Variants in LRRC7 observed in about 807,000 individuals in gnomAD.
LRRC7 encodes the protein leucine rich repeat containing 7, also known as leucine-rich repeat-containing protein 7.
Under a neutral mutation model 175.7 loss-of-function variants are expected in LRRC7, and 23 were observed. The observed-to-expected ratio is 0.13, with a 90% CI of 0.09 to 0.19. The LOEUF is 0.19. Ranked by LOEUF, LRRC7 falls within the 10% of genes least tolerant of loss-of-function variation. LRRC7 has a pLI of 1.00. For missense variants in LRRC7, 1,354 were observed against 1,904.7 expected, an observed-to-expected ratio of 0.71 and a Z score of 5.38; for synonymous variants, 685 against 680.9, an observed-to-expected ratio of 1.01 and a Z score of -0.09.
At position 70,130,571 on chromosome 1, in the gene LRRC7, CA is replaced by C. The variant is rs1357990136; in HGVS notation, c.*8685del. Among the ~76,000 whole-genome samples the C allele has an allele frequency of 6.6e-6, 1 of 152,162 alleles. No homozygotes were observed. The highest frequency in any genetic ancestry group is 1.5e-5 in the Non-Finnish European group (1 of 68,030). On this transcript the variant is annotated 3_prime_UTR_variant, in exon 27 of 27. Transcript: ENST00000651989. The stretch of plus-strand genomic sequence containing the variant: ...TTTGGTCTTTTCTGCTGTGTTTCAG[CA>C]GTTACATTTAATTTTCCTTTTGTGT...
intron 7 of LRRC7, among the ~76,000 whole-genome samples, chr1:69,902,579 A>AAAC (rs1032826792): frequency 4.0e-4 from 12 of 30,084 alleles, no homozygotes; most frequent in African/African-American, 1.4e-3. Context: ...AAAACAAAAC[A>AAAC]AAAAAAAAAG....
chr1:69,783,416 A>G (rs574775234), intron 3 of LRRC7, among the ~76,000 whole-genome samples: 53 of 152,290 alleles, frequency 3.5e-4, no homozygotes, highest in African/African-American at 1.3e-3. Context: ...TAGGATATAC[A>G]AAAAGGTTGT....
At chr1:69,621,434 T>C (rs1182967066) in intron 1 of LRRC7, among the ~76,000 whole-genome samples, 1 of 152,200 alleles carries the variant, frequency 6.6e-6, no homozygotes, top group Non-Finnish European at 1.5e-5. Context: ...TTCTTACATA[T>C]TCTGTAATTC....
chr1:69,649,257 T>G (rs1209827223), intron 1 of LRRC7, among the ~76,000 whole-genome samples: 3 of 152,210 alleles, frequency 2.0e-5, no homozygotes. Flanking sequence ...CTTATTTACT[T>G]CATAAAGTAC....
At chr1:69,705,223 A>G (rs1384495969) in intron 2 of LRRC7, among the ~76,000 whole-genome samples, 3 of 152,098 alleles carry the variant, frequency 2.0e-5, no homozygotes, top group Non-Finnish European at 4.4e-5. Context: ...TTGGCTCCAT[A>G]TTGGCTAGGG....
intron 25 of LRRC7, among the ~76,000 whole-genome samples, chr1:70,090,625 A>C (rs1663961189): frequency 1.3e-5 from 2 of 152,100 alleles, no homozygotes; most frequent in South Asian, 4.1e-4. Context: ...GAAGCTATCT[A>C]CTTTCAACCT....
At position 69,913,491 on chromosome 1, in the gene LRRC7, A is replaced by G. The variant is rs1463867715; in HGVS notation, c.648-18016A>G. Among the ~76,000 whole-genome samples, 4 of 152,094 alleles carry G rather than the reference A, an allele frequency of 2.6e-5. No homozygotes were observed. In the East Asian group the frequency reaches 7.7e-4, roughly 29 times the overall value. ...CAATAAGTTACATATTCTCATAATGAGGTGTTCCAGAAGTTTCCTTTTTTT... is the reference window on the plus strand; with the variant it reads ...CAATAAGTTACATATTCTCATAATGGGGTGTTCCAGAAGTTTCCTTTTTTT... On this transcript the variant is annotated intron_variant, in intron 7 of 26. Transcript: ENST00000651989.
chr1:70,039,029 G>T lies in LRRC7; in HGVS notation c.3205G>T (p.Asp1069Tyr). ...ASMTKKVYQF[D>Y]QSFNPQGSVE... is the part of the protein sequence containing the mutation. Reference sequence around the variant, plus strand: ...TATGACAAAAAAAGTCTATCAGTTTGACCAAAGCTTCAATCCTCAAGGATC... The same window carrying T: ...TATGACAAAAAAAGTCTATCAGTTTTACCAAAGCTTCAATCCTCAAGGATC... The change falls in exon 21 of 27, where the codon GAC becomes TAC. Residue 1069 changes from aspartate to tyrosine, a missense_variant. Asp to Tyr is a radical substitution (Grantham distance 160). This residue lies in a region of LRRC7 where 1,032 missense variants were observed against 1,227.2 expected (regional missense o/e 0.84). Coordinates refer to ENST00000651989, the MANE Select transcript of LRRC7 (RefSeq NM_001370785.2). 5 of 1,613,964 alleles carry T rather than the reference G, an allele frequency of 3.1e-6. No individual in the cohort carries two copies. In the South Asian group the frequency reaches 5.5e-5, roughly 18 times the overall value.
chr1:69,707,190 G>T (rs1664141073), intron 2 of LRRC7, among the ~76,000 whole-genome samples: 1 of 152,166 alleles, frequency 6.6e-6, no homozygotes. Flanking sequence ...TTCCAGTCAT[G>T]CCATGGCATG....
In LRRC7 at chr1:69,833,870, T is replaced by G. The variant is rs372345695; in HGVS notation, c.501-910T>G. Among the ~76,000 whole-genome samples the G allele has an allele frequency of 3.8e-4, 58 of 152,182 alleles. 1 individual carries two copies. In the South Asian group the frequency reaches 0.012, roughly 32 times the overall value. On this transcript the variant is annotated intron_variant, in intron 5 of 26. Coordinates refer to ENST00000651989, the MANE Select transcript of LRRC7 (RefSeq NM_001370785.2). The stretch of plus-strand genomic sequence containing the variant: ...TCAAAAGCAATGAGTATAGGCAGAT[T>G]TTTAAACAAGTAAATGCAAGGAGGA...
At chr1:70,025,315 T>C (rs1657975498) in intron 17 of LRRC7, among the ~76,000 whole-genome samples, 1 of 151,206 alleles carries the variant, frequency 6.6e-6, no homozygotes, top group Admixed American at 6.6e-5. Context: ...AATGTTTATG[T>C]AAATAATTAA....
At chr1:69,995,237 T>C (rs1278096674) in intron 11 of LRRC7, among the ~76,000 whole-genome samples, 1 of 152,292 alleles carries the variant, frequency 6.6e-6, no homozygotes, top group East Asian at 1.9e-4. Context: ...TACAATTCTT[T>C]AAGAACTATA....
At chr1:69,697,476 C>G (rs979135376) in intron 2 of LRRC7, among the ~76,000 whole-genome samples, 1 of 152,156 alleles carries the variant, frequency 6.6e-6, no homozygotes, top group Non-Finnish European at 1.5e-5. Context: ...GTGGGCAAAA[C>G]CATAATAAGT....
intron 1 of LRRC7, among the ~76,000 whole-genome samples, chr1:69,634,680 G>A (rs2100395805): frequency 6.6e-6 from 1 of 151,972 alleles, no homozygotes; most frequent in African/African-American, 2.4e-5. Flanking sequence ...TTCTCTCTTA[G>A]CTTTGAGCTC....
At chr1:69,650,288 C>T (rs986304426) in intron 1 of LRRC7, among the ~76,000 whole-genome samples, 1 of 151,868 alleles carries the variant, frequency 6.6e-6, no homozygotes, top group Non-Finnish European at 1.5e-5. Context: ...CGCCTGTAAT[C>T]CCAGCACTTT....
At chr1:70,023,759 G>A (rs1429470227) in intron 17 of LRRC7, among the ~76,000 whole-genome samples, 1 of 152,026 alleles carries the variant, frequency 6.6e-6, no homozygotes, top group South Asian at 2.1e-4. Flanking sequence ...TGTGAATTCT[G>A]GGGGAGATTA....
chr1:69,790,093 A>T (rs1265430687), intron 3 of LRRC7, among the ~76,000 whole-genome samples: 1 of 152,066 alleles, frequency 6.6e-6, no homozygotes, highest in Non-Finnish European at 1.5e-5. Flanking sequence ...ATGTGAAAAT[A>T]TGTGTGACTT....
At chr1:69,832,630 G>A (rs1680655340) in intron 5 of LRRC7, among the ~76,000 whole-genome samples, 1 of 152,030 alleles carries the variant, frequency 6.6e-6, no homozygotes. Flanking sequence ...GAAGGACATG[G>A]AAAAATGGTG....
chr1:69,753,028 C>A (rs1450455755), intron 2 of LRRC7, among the ~76,000 whole-genome samples: 1 of 152,066 alleles, frequency 6.6e-6, no homozygotes, highest in Admixed American at 6.6e-5. Flanking sequence ...GCAATGTGTT[C>A]TCTAATGTAT....
Sources: allele counts gnomAD v4.1 joint callset (sites outside exome capture counted in the v4.1 genomes callset), GRCh38; gene constraint gnomAD v4.1.1; regional missense constraint gnomAD v4.1.1; transcripts MANE v1.5; gene names NCBI Gene and HGNC (gene_info 2026-07-23, HGNC 2026-07-21).